CNTNAP4: variants seen among roughly 807,000 people sequenced by gnomAD.
The protein encoded by CNTNAP4 is contactin-associated protein-like 4.
In CNTNAP4, 98 loss-of-function variants were observed where a neutral mutation model predicts 148.4. The observed-to-expected ratio is 0.66, with a 90% CI of 0.56 to 0.78. The LOEUF (loss-of-function observed/expected upper bound fraction) is 0.78. Among genes scored for constraint, CNTNAP4 ranks in the 30% least tolerant of loss-of-function variants. CNTNAP4 has a pLI of 0.00. For synonymous variants in CNTNAP4, 730 were observed against 565.1 expected, an observed-to-expected ratio of 1.29 and a Z score of -4.14; for missense variants, 1,935 against 1,565.6, an observed-to-expected ratio of 1.24 and a Z score of -3.98.
chr16:76,302,800 A>T (rs1315186597), intron 1 of CNTNAP4, among the ~76,000 whole-genome samples: 1 of 148,844 alleles, frequency 6.7e-6, no homozygotes. Flanking sequence ...CCATCTTAGA[A>T]TTCTGTCCAC....
At chr16:76,341,173 C>T (rs1328907997) in intron 2 of CNTNAP4, among the ~76,000 whole-genome samples, 2 of 151,948 alleles carry the variant, frequency 1.3e-5, no homozygotes, top group Non-Finnish European at 1.5e-5. Flanking sequence ...GCCAGCTCTC[C>T]CTGACATCTT....
At chr16:76,545,807 G>A (rs770136108) in intron 21 of CNTNAP4, among the ~76,000 whole-genome samples, 8 of 152,174 alleles carry the variant, frequency 5.3e-5, no homozygotes, top group Non-Finnish European at 1.0e-4. Flanking sequence ...GGAGGCCGAG[G>A]TGGATGGATC....
rs148239191 is a variant in CNTNAP4, at chr16:76,490,091, A to G, written c.2080+208A>G. On this transcript the variant is annotated intron_variant, in intron 13 of 23. Coordinates refer to ENST00000611870, the MANE Select transcript of CNTNAP4 (RefSeq NM_033401.5). ...ACAAGGTCAATTTACACTGAGCTTTATTCAAAGCCTTGATTGCTTTTAAAC... is the reference window on the plus strand; with the variant it reads ...ACAAGGTCAATTTACACTGAGCTTTGTTCAAAGCCTTGATTGCTTTTAAAC... 9.8e-5 allele frequency among the ~76,000 whole-genome samples: 15 copies of G among 152,338 alleles called. No individual in the cohort carries two copies. In the East Asian group the frequency reaches 2.7e-3, roughly 27 times the overall value.
intron 13 of CNTNAP4, among the ~76,000 whole-genome samples, chr16:76,490,305 T>A (rs1038390867): frequency 3.9e-5 from 6 of 152,206 alleles, no homozygotes; most frequent in Non-Finnish European, 7.3e-5. Flanking sequence ...TCTCATGGAT[T>A]GTTGACAGCC....
At chr16:76,435,553 G>T (rs1290033744) in intron 4 of CNTNAP4, among the ~76,000 whole-genome samples, 3 of 152,150 alleles carry the variant, frequency 2.0e-5, no homozygotes, top group African/African-American at 7.2e-5. Flanking sequence ...AGCAATTGTA[G>T]GGCTCTTCAA....
intron 23 of CNTNAP4, among the ~76,000 whole-genome samples, chr16:76,554,984 A>G (rs2085129507): frequency 6.6e-6 from 1 of 151,946 alleles, no homozygotes; most frequent in African/African-American, 2.4e-5. Flanking sequence ...ATATATGAAT[A>G]ATCGTATTAC....
At chr16:76,475,207 T>C (rs1042414877) in intron 10 of CNTNAP4, among the ~76,000 whole-genome samples, 2 of 152,170 alleles carry the variant, frequency 1.3e-5, no homozygotes, top group African/African-American at 4.8e-5. Flanking sequence ...AGTAGCCTCA[T>C]ATTTTTGTTC....
Position 76,495,079 on chromosome 16 carries a change from T to A in CNTNAP4, c.2237+13T>A, listed in dbSNP as rs4268783. 2 of 1,611,436 alleles carry A rather than the reference T, an allele frequency of 1.2e-6. No individual in the cohort carries two copies. Among genetic ancestry groups the A allele is most frequent in the Non-Finnish European group, 8.5e-7 (1 of 1,178,434 alleles). Reference sequence around the variant, plus strand: ...ACCGGAATGAATGGTGATTTCCATATGATTTCTTTATGCAAGAAAAAGTTC... The same window carrying A: ...ACCGGAATGAATGGTGATTTCCATAAGATTTCTTTATGCAAGAAAAAGTTC... On this transcript the variant is annotated intron_variant, in intron 14 of 23. Coordinates refer to ENST00000611870, the MANE Select transcript of CNTNAP4 (RefSeq NM_033401.5).
At chr16:76,534,367 A>G (rs939605318) in intron 17 of CNTNAP4, among the ~76,000 whole-genome samples, 2 of 152,214 alleles carry the variant, frequency 1.3e-5, no homozygotes, top group Non-Finnish European at 2.9e-5. Flanking sequence ...TGTTTTAGGA[A>G]AAGAGAATTT....
At chr16:76,557,867 T>C (rs1396067501) in intron 23 of CNTNAP4, 1 of 152,226 alleles carries the variant, frequency 6.6e-6, no homozygotes, top group African/African-American at 2.4e-5. Flanking sequence ...CTTTGAGGAC[T>C]ACTGACCTAA....
intron 1 of CNTNAP4, among the ~76,000 whole-genome samples, chr16:76,287,141 A>C (rs7186385): frequency 0.089 from 13,484 of 152,222 alleles, 2,013 homozygotes; most frequent in African/African-American, 0.31. Flanking sequence ...AAATAGCAAT[A>C]ATTTGAGGAA....
chr16:76,485,902 CT>C (rs2082009806), intron 12 of CNTNAP4, among the ~76,000 whole-genome samples: 1 of 152,204 alleles, frequency 6.6e-6, no homozygotes. Context: ...GTCTCCTCTG[CT>C]TTCCTTAAGA....
intron 1 of CNTNAP4, among the ~76,000 whole-genome samples, chr16:76,297,655 T>G (rs1357995717): frequency 2.0e-5 from 3 of 152,118 alleles, no homozygotes; most frequent in Non-Finnish European, 4.4e-5. Flanking sequence ...TATCAACATT[T>G]ACTATACAAA....
At chr16:76,399,111 A>G (rs893335270) in intron 3 of CNTNAP4, among the ~76,000 whole-genome samples, 1 of 152,142 alleles carries the variant, frequency 6.6e-6, no homozygotes, top group Non-Finnish European at 1.5e-5. Flanking sequence ...GCCTGCTGCC[A>G]TGATTGTGAG....
Position 76,364,275 on chromosome 16 carries a change from AT to A in CNTNAP4, c.390+8765del, listed in dbSNP as rs2013835320. Among the ~76,000 whole-genome samples the A allele has an allele frequency of 2.0e-5, 3 of 150,764 alleles. No homozygotes were observed. In the South Asian group the frequency reaches 6.3e-4, roughly 32 times the overall value. The stretch of plus-strand genomic sequence containing the variant: ...AAAAAAAAAACAGAAAAGAAAAAAT[AT>A]ATGAACTCTTATGAGCTGTAGATAC... On this transcript the variant is annotated intron_variant, in intron 3 of 23. Transcript: ENST00000611870.
intron 21 of CNTNAP4, among the ~76,000 whole-genome samples, chr16:76,551,395 T>TA (rs746520267): frequency 0.042 from 5,876 of 140,898 alleles, 189 homozygotes; most frequent in East Asian, 0.11. Context: ...GAGAGTCTGT[T>TA]AAAAAAAAAA....
intron 2 of CNTNAP4, among the ~76,000 whole-genome samples, chr16:76,329,098 G>A (rs1399647572): frequency 1.3e-5 from 2 of 152,222 alleles, no homozygotes; most frequent in East Asian, 1.9e-4. Context: ...AATGCAAAAT[G>A]TCAATATGAA....
Position 76,522,111 on chromosome 16 carries a change from A to G in CNTNAP4, c.2609A>G (p.His870Arg). 1 of 1,613,914 alleles carries G rather than the reference A, an allele frequency of 6.2e-7. No homozygotes were observed. The highest frequency in any genetic ancestry group is 2.2e-5 in the East Asian group (1 of 44,864). ...GAAATCTCAGTGCAGTCACCCACCC[A>G]CTTCAACGACAACCAGTGGCACCAT... ...PFEISVQSPT[H>R]FNDNQWHHVR... Residue 870 changes from histidine (H) to arginine (R), a missense_variant, in exon 17 of 24, where the codon CAC becomes CGC. By Grantham distance (29) the His-to-Arg change is conservative (BLOSUM62 0). Coordinates refer to ENST00000611870, the MANE Select transcript of CNTNAP4 (RefSeq NM_033401.5).
At chr16:76,394,454 T>A (rs1315160394) in intron 3 of CNTNAP4, among the ~76,000 whole-genome samples, 2 of 152,232 alleles carry the variant, frequency 1.3e-5, no homozygotes, top group Non-Finnish European at 2.9e-5. Flanking sequence ...TATTGAATTA[T>A]AATTACAAAA....
Sources: allele counts gnomAD v4.1 joint callset (sites outside exome capture counted in the v4.1 genomes callset), GRCh38; gene constraint gnomAD v4.1.1; transcripts MANE v1.5; gene names NCBI Gene and HGNC (gene_info 2026-07-23, HGNC 2026-07-21).